Variants in ANKRD30A observed in about 807,000 individuals in gnomAD.
ANKRD30A encodes the protein ankyrin repeat domain 30A.
ANKRD30A carries 170 observed loss-of-function variants against 166.3 expected under a neutral mutation model. The observed-to-expected ratio is 1.02, with a 90% CI of 0.90 to 1.16. The LOEUF is 1.16. Among genes scored for constraint, ANKRD30A ranks in the 50% most tolerant of loss-of-function variants. The pLI is 0.00. For missense variants in ANKRD30A, 1,630 were observed against 1,518.0 expected (o/e 1.07, Z -1.23); for synonymous variants, 564 against 508.9 (o/e 1.11, Z -1.46).
At chr10:37,194,196 C>T (rs1022498978) in intron 27 of ANKRD30A, among the ~76,000 whole-genome samples, 6 of 151,918 alleles carry the variant, frequency 3.9e-5, no homozygotes, top group East Asian at 1.9e-4. Context: ...TCTGAAAAAG[C>T]AAAGAAATAA....
intron 29 of ANKRD30A, among the ~76,000 whole-genome samples, chr10:37,198,023 G>T (rs1201262941): frequency 5.3e-5 from 8 of 151,962 alleles, no homozygotes; most frequent in African/African-American, 1.9e-4. Context: ...ACCTTGTGAA[G>T]ATGAGGAAAA....
intron 7 of ANKRD30A, 115 bp from the exon 8 acceptor site, chr10:37,144,880 T>G: frequency 1.5e-6 from 1 of 683,448 alleles, no homozygotes; most frequent in Non-Finnish European, 2.4e-6. Flanking sequence ...CAATAGAATA[T>G]ACAGGCTATA....
chr10:37,149,920 C>T, intron 11 of ANKRD30A, 71 bp downstream of exon 11: 5 of 1,578,640 alleles, frequency 3.2e-6, no homozygotes, highest in Non-Finnish European at 4.3e-6. Context: ...CTTTCTATCC[C>T]CAATGCTTTA....
At position 37,229,772 on chromosome 10, in the gene ANKRD30A, GTTTTC is replaced by G. The variant is rs904039087; in HGVS notation, c.4186-1684_4186-1680del. Among the ~76,000 whole-genome samples, 214 of 151,614 alleles carry G rather than the reference GTTTTC, an allele frequency of 1.4e-3. 1 individual carries two copies. Among genetic ancestry groups the G allele is most frequent in the East Asian group, 1.6e-3 (8 of 5,124 alleles). On this transcript the variant is annotated intron_variant, in intron 34 of 35. Coordinates refer to ENST00000361713, the MANE Select transcript of ANKRD30A (RefSeq NM_052997.3). ...ACCTTAAAATGTACCCTTTTGATTTGTTTTCTTTTTAATTTTAATTTTTGTGGGTA... is the reference window on the plus strand; with the variant it reads ...ACCTTAAAATGTACCCTTTTGATTTGTTTTTAATTTTAATTTTTGTGGGTA...
At chr10:37,201,431 A>G in intron 31 of ANKRD30A, 106 bp downstream of exon 31, 2 of 822,260 alleles carry the variant, frequency 2.4e-6, no homozygotes, top group South Asian at 4.4e-5. Context: ...CTAAATGCAA[A>G]CCATGGAAAA....
At chr10:37,171,592 G>C in intron 21 of ANKRD30A, among the ~76,000 whole-genome samples, 1 of 151,708 alleles carries the variant, frequency 6.6e-6, no homozygotes, top group Non-Finnish European at 1.5e-5. Flanking sequence ...TCAGAAGCTA[G>C]AACAAGAATT....
chr10:37,192,980 A>C, intron 25 of ANKRD30A, 84 bp from the exon 26 acceptor site: 1 of 1,490,510 alleles, frequency 6.7e-7, no homozygotes, highest in Non-Finnish European at 9.3e-7. Context: ...ATGAGGATTC[A>C]TCTTCATGTT....
chr10:37,160,314 G>C (rs1467088608), intron 15 of ANKRD30A, among the ~76,000 whole-genome samples: 1 of 152,084 alleles, frequency 6.6e-6, no homozygotes, highest in African/African-American at 2.4e-5. Flanking sequence ...TTTTCAATAC[G>C]CATTACAACT....
chr10:37,153,696 C>G, intron 13 of ANKRD30A, 34 bp downstream of exon 13: 1 of 1,607,570 alleles, frequency 6.2e-7, no homozygotes, highest in South Asian at 1.1e-5. Context: ...AATCAGTTGA[C>G]CGAATATTTC....
chr10:37,217,573 A>C, intron 32 of ANKRD30A, 122 bp from the exon 33 acceptor site: 4 of 759,638 alleles, frequency 5.3e-6, no homozygotes, highest in Non-Finnish European at 7.6e-6. Context: ...AACTAGGAAG[A>C]AAAAAATTCA....
the ANKRD30A span, among the ~76,000 whole-genome samples, chr10:37,256,194 C>A: frequency 6.6e-6 from 1 of 152,184 alleles, no homozygotes; most frequent in Non-Finnish European, 1.5e-5. Flanking sequence ...TCCAGAGCTC[C>A]CTATCTAAAG....
At chr10:37,158,827 T>A (rs1318311039) in intron 15 of ANKRD30A, among the ~76,000 whole-genome samples, 1 of 152,196 alleles carries the variant, frequency 6.6e-6, no homozygotes, top group African/African-American at 2.4e-5. Flanking sequence ...CCTGATAGTG[T>A]AAAGTTTCCA....
chr10:37,224,472 A>C (rs1472253547), intron 34 of ANKRD30A, among the ~76,000 whole-genome samples: 1 of 150,364 alleles, frequency 6.7e-6, no homozygotes, highest in Non-Finnish European at 1.5e-5. Context: ...ACACACACAC[A>C]CGTGTATATA....
chr10:37,165,207 CAT>C (rs752130157), intron 18 of ANKRD30A, 52 bp downstream of exon 18: 80 of 1,499,154 alleles, frequency 5.3e-5, no homozygotes, highest in Admixed American at 1.5e-4. Flanking sequence ...GATATGAAAA[CAT>C]AAAATCAGAT....
intron 25 of ANKRD30A, among the ~76,000 whole-genome samples, chr10:37,192,522 C>T (rs920388332): frequency 5.3e-5 from 8 of 152,130 alleles, no homozygotes; most frequent in Admixed American, 3.3e-4. Flanking sequence ...AAATTTAGAA[C>T]ATTCTCTGCA....
chr10:37,189,986 C>T lies in ANKRD30A; in HGVS notation c.2512+429C>T, dbSNP rs71502271. 1.3e-4 allele frequency among the ~76,000 whole-genome samples: 20 copies of T among 151,662 alleles called. 1 individual carries two copies. Among genetic ancestry groups the T allele is most frequent in the South Asian group, 6.3e-4 (3 of 4,786 alleles). The stretch of plus-strand genomic sequence containing the variant: ...AAGAATATAAAGTGACCTTCTAGAA[C>T]CAAAATTTACCAGAGAATTACAGCA... On this transcript the variant is annotated intron_variant, in intron 25 of 35. Coordinates refer to ENST00000361713, the MANE Select transcript of ANKRD30A (RefSeq NM_052997.3).
rs1564557711 is a variant in ANKRD30A, at chr10:37,199,713, T to A, written c.2717-14T>A. On this transcript the variant is annotated splice_polypyrimidine_tract_variant and intron_variant, in intron 29 of 35. Transcript: ENST00000361713. ...AATGTTCTCATGAATGTATCTGTGA[T>A]TAACCTTTTATAGATCAGATGTTCC... is the stretch of plus-strand genomic sequence containing the variant. 1 of 1,530,544 alleles carries A rather than the reference T, an allele frequency of 6.5e-7. No individual in the cohort carries two copies. The allele number at this position is 1,530,544 out of a possible 1,614,324, so 94.8% of individuals were successfully genotyped here.
chr10:37,217,828 C>G lies in ANKRD30A; in HGVS notation c.3217C>G (p.Leu1073Val). ...AGTGAAACAACAACTTGAACAGGCT[C>G]TCAGAATACAAGATATAGAATTGAA... Reference protein sequence around the residue: ...LEVKQQLEQALRIQDIELKSV... With the variant: ...LEVKQQLEQAVRIQDIELKSV... The change falls in exon 33 of 36, where the codon CTC becomes GTC. Residue 1073 changes from leucine (L) to valine (V), a missense_variant. By Grantham distance (32) the Leu-to-Val change is conservative. This residue lies in a region of ANKRD30A where 712 missense variants were observed against 629.3 expected (regional missense o/e 1.13). Transcript: ENST00000361713. 1 of 1,599,310 alleles carries G rather than the reference C, an allele frequency of 6.3e-7. No individual in the cohort carries two copies. Among genetic ancestry groups the G allele is most frequent in the Middle Eastern group, 1.7e-4 (1 of 5,972 alleles).
At chr10:37,199,284 A>G (rs1046014334) in intron 29 of ANKRD30A, among the ~76,000 whole-genome samples, 3 of 152,094 alleles carry the variant, frequency 2.0e-5, no homozygotes, top group Non-Finnish European at 2.9e-5. Flanking sequence ...AAAAAATCTT[A>G]TTCATTGATA....
Sources: gnomAD v4.1 joint callset for allele counts (sites outside exome capture counted in the v4.1 genomes callset) on GRCh38, gnomAD v4.1.1 for gene constraint, gnomAD v4.1.1 regional missense constraint, MANE v1.5 for transcripts, NCBI Gene and HGNC (gene_info 2026-07-23, HGNC 2026-07-21) for gene names.